The following ZNF678 variants were observed in gnomAD, a reference collection of about 807,000 sequenced individuals.
The protein encoded by ZNF678 is zinc finger protein 678.
A neutral mutation model predicts 3.0 loss-of-function variants in ZNF678; 5 were observed. The observed-to-expected ratio is 1.69, with a 90% CI of 0.88 to 3.56. The LOEUF (loss-of-function observed/expected upper bound fraction) is 3.56. ZNF678 is among the 30% of genes most tolerant of loss of function. The probability of loss-of-function intolerance (pLI) is 0.00; values close to 1 mark genes in which losing one functional copy is unlikely to be tolerated. For missense variants in ZNF678, 593 were observed against 605.0 expected (o/e 0.98, Z 0.21); for synonymous variants, 218 against 199.6 (o/e 1.09, Z -0.78).
Position 227,638,973 on chromosome 1 carries a change from G to C in ZNF678, c.-163-7571G>C. Among the ~76,000 whole-genome samples, 1 of 152,182 alleles carries C rather than the reference G, an allele frequency of 6.6e-6. No homozygotes were observed. The highest frequency in any genetic ancestry group is 1.9e-4 in the East Asian group (1 of 5,188). On this transcript the variant is annotated intron_variant, in intron 1 of 3. Transcript: ENST00000343776. The surrounding 1 kb of genome is among the most constrained non-coding windows in gnomAD (Gnocchi z 4.2). ...CACCATCAGGGTTACCACTTGGCTC[G>C]GATGAAGCGATGGTAGTTGCCAGGG...
At chr1:227,616,211 G>T (rs1658137604) in intron 1 of ZNF678, among the ~76,000 whole-genome samples, 1 of 152,146 alleles carries the variant, frequency 6.6e-6, no homozygotes, top group African/African-American at 2.4e-5. Context: ...CACCAAAGGA[G>T]AGATAGGACC....
Position 227,655,133 on chromosome 1 carries a change from T to C in ZNF678, c.883T>C (p.Cys295Arg). The C allele has an allele frequency of 2.5e-6, 4 of 1,613,024 alleles. No individual in the cohort carries two copies. The highest frequency in any genetic ancestry group is 1.7e-5 in the Admixed American group (1 of 59,750). ...TCATACTGGAGAGAAACCCTACAAATGTGAAGAATGTGGCAAAGCCTTTAC... is the reference window on the plus strand; with the variant it reads ...TCATACTGGAGAGAAACCCTACAAACGTGAAGAATGTGGCAAAGCCTTTAC... ...RIHTGEKPYK[C>R]EECGKAFTQF... Residue 295 changes from cysteine to arginine, a missense_variant, in exon 4 of 4, where the codon TGT (cysteine) becomes CGT (arginine). Physicochemically the swap from Cys to Arg is radical, Grantham distance 180. Transcript: ENST00000343776.
chr1:227,597,889 T>G (rs1351537950), intron 1 of ZNF678, among the ~76,000 whole-genome samples: 3 of 152,256 alleles, frequency 2.0e-5, no homozygotes, highest in Non-Finnish European at 4.4e-5. Flanking sequence ...TGTGTGAGGA[T>G]CAAAGGCACA....
At chr1:227,569,579 T>C (rs375394453) in intron 1 of ZNF678, among the ~76,000 whole-genome samples, 2 of 152,226 alleles carry the variant, frequency 1.3e-5, no homozygotes, top group South Asian at 4.1e-4. Flanking sequence ...TATTGTAAAT[T>C]AGTTTTTTTT....
Position 227,590,838 on chromosome 1 carries a change from C to A in ZNF678, c.-164+27114C>A, listed in dbSNP as rs369573869. ...AAATTTACTCTGTGTCGTTTGAACTCCACCATGTGGTCTTCCTACAGGAAG... is the reference window on the plus strand; with the variant it reads ...AAATTTACTCTGTGTCGTTTGAACTACACCATGTGGTCTTCCTACAGGAAG... On this transcript the variant is annotated intron_variant, in intron 1 of 3. Coordinates refer to ENST00000343776, the MANE Select transcript of ZNF678 (RefSeq NM_001367909.1). Among the ~76,000 whole-genome samples, 2 of 151,772 alleles carry A rather than the reference C, an allele frequency of 1.3e-5. 1 individual carries two copies. Among genetic ancestry groups the A allele is most frequent in the African/African-American group, 4.9e-5 (2 of 41,208 alleles).
rs1413604953 is a variant in ZNF678, at chr1:227,661,671, T to G, written c.*5843T>G. ...TCAGCTCAGAGAGCTGCAGGAACAT[T>G]GGGGACATCTCCAAGTCACAGCCAA... On this transcript the variant is annotated 3_prime_UTR_variant, in exon 4 of 4. Transcript: ENST00000343776. 1 of 152,112 alleles carries G rather than the reference T, an allele frequency of 6.6e-6. No homozygotes were observed. Among genetic ancestry groups the G allele is most frequent in the East Asian group, 1.9e-4 (1 of 5,180 alleles). 9.4% of individuals were successfully genotyped at this position (152,112 alleles called of 1,614,324 possible). A position where few individuals can be genotyped will look rare whatever the true frequency, so the allele number is the denominator to read the frequency against.
In ZNF678 at chr1:227,660,666, TTTTC is replaced by T. The variant is rs1334777946; in HGVS notation, c.*4847_*4850del. The T allele has an allele frequency of 6.6e-6, 1 of 152,178 alleles. No individual in the cohort carries two copies. Among genetic ancestry groups the T allele is most frequent in the Non-Finnish European group, 1.5e-5 (1 of 68,020 alleles). The allele number at this position is 152,178 out of a possible 1,614,324, so 9.4% of individuals were successfully genotyped here. On this transcript the variant is annotated 3_prime_UTR_variant, in exon 4 of 4. Coordinates refer to ENST00000343776, the MANE Select transcript of ZNF678 (RefSeq NM_001367909.1). ...TGATATCTGCAAACAGGGACAATTA[TTTTC>T]TTTCTTTCCAATTTGGTTGTCTTTG...
rs1376955114 is a variant in ZNF678, at chr1:227,638,932, A to C, written c.-163-7612A>C. ...TTGCCTGGTATTAATTTAAAAAAACATACTGGCCTACTTGCCACCATCAGG... is the reference window on the plus strand; with the variant it reads ...TTGCCTGGTATTAATTTAAAAAAACCTACTGGCCTACTTGCCACCATCAGG... On this transcript the variant is annotated intron_variant, in intron 1 of 3. Transcript: ENST00000343776. This position sits in a 1 kb window ranked among gnomAD's most constrained non-coding sequence, Gnocchi z 4.2. 6.6e-6 allele frequency among the ~76,000 whole-genome samples: 1 copy of C among 152,174 alleles called. No individual in the cohort carries two copies. The highest frequency in any genetic ancestry group is 6.5e-5 in the Admixed American group (1 of 15,278).
intron 1 of ZNF678, among the ~76,000 whole-genome samples, chr1:227,635,085 C>CAAA (rs71721953): frequency 0.21 from 30,118 of 145,292 alleles, 3,167 homozygotes; most frequent in Middle Eastern, 0.34. Flanking sequence ...GCCTGGTAAT[C>CAAA]AAAAAAAAAA....
chr1:227,664,388 C>T (rs1659466821), downstream of ZNF678, among the ~76,000 whole-genome samples: 1 of 152,058 alleles, frequency 6.6e-6, no homozygotes, highest in South Asian at 2.1e-4. Flanking sequence ...TGCTTGTGTC[C>T]AGAAATAGCC....
intron 1 of ZNF678, among the ~76,000 whole-genome samples, chr1:227,602,892 A>G (rs1657770579): frequency 6.6e-6 from 1 of 152,212 alleles, no homozygotes; most frequent in Non-Finnish European, 1.5e-5. Context: ...GCTTCTTTAG[A>G]GGCTGAGGTA....
At chr1:227,606,063 G>A (rs1172322795) in intron 1 of ZNF678, among the ~76,000 whole-genome samples, 2 of 152,164 alleles carry the variant, frequency 1.3e-5, no homozygotes, top group African/African-American at 4.8e-5. Flanking sequence ...TCATCTCACC[G>A]GTGGGACAAG....
rs1169266681 is a variant in ZNF678 at position 227,575,783 on chromosome 1, G to T, written c.-164+12059G>T. On this transcript the variant is annotated intron_variant, in intron 1 of 3. Transcript: ENST00000343776. Reference sequence around the variant, plus strand: ...TGGCCAGGACTTCCATTACTATGTTGAATAGGAGTGGTGAGAGAAGGCATC... The same window carrying T: ...TGGCCAGGACTTCCATTACTATGTTTAATAGGAGTGGTGAGAGAAGGCATC... Among the ~76,000 whole-genome samples, 43 of 152,082 alleles carry T rather than the reference G, an allele frequency of 2.8e-4. 1 individual carries two copies. Among genetic ancestry groups the T allele is most frequent in the Admixed American group, 2.8e-3 (43 of 15,264 alleles).
At chr1:227,576,016 C>T (rs1656979631) in intron 1 of ZNF678, among the ~76,000 whole-genome samples, 1 of 152,062 alleles carries the variant, frequency 6.6e-6, no homozygotes, top group Non-Finnish European at 1.5e-5. Context: ...TTATTTTTGT[C>T]TATAGTTCTG....
chr1:227,605,536 A>C lies in ZNF678; in HGVS notation c.-163-41008A>C, dbSNP rs116586207. ...ATGTTATGGAGGAAACATTTTTTTCACTAAGTAATATTTACCGTACATTTT... is the reference window on the plus strand; with the variant it reads ...ATGTTATGGAGGAAACATTTTTTTCCCTAAGTAATATTTACCGTACATTTT... On this transcript the variant is annotated intron_variant, in intron 1 of 3. Transcript: ENST00000343776. Among the ~76,000 whole-genome samples the C allele has an allele frequency of 4.7e-3, 722 of 152,278 alleles. 2 individuals carry two copies. The highest frequency in any genetic ancestry group is 0.016 in the African/African-American group (669 of 41,560).
chr1:227,616,564 A>T (rs1298627288), intron 1 of ZNF678, among the ~76,000 whole-genome samples: 1 of 152,220 alleles, frequency 6.6e-6, no homozygotes, highest in Non-Finnish European at 1.5e-5. Flanking sequence ...AGCATGTTGA[A>T]AAAATTTTTC....
At chr1:227,640,906 C>T (rs1469638399) in intron 1 of ZNF678, among the ~76,000 whole-genome samples, 1 of 152,112 alleles carries the variant, frequency 6.6e-6, no homozygotes, top group African/African-American at 2.4e-5. Context: ...TGCCTTTTTC[C>T]TCCCCAAACG....
At chr1:227,676,371 C>T (rs1372217867) in intron 5 of ZNF678, among the ~76,000 whole-genome samples, 1 of 152,126 alleles carries the variant, frequency 6.6e-6, no homozygotes, top group Non-Finnish European at 1.5e-5. Context: ...ATCCCAGAAA[C>T]ATACAGGGAA....
At chr1:227,572,469 A>G (rs975727513) in intron 1 of ZNF678, among the ~76,000 whole-genome samples, 1 of 152,212 alleles carries the variant, frequency 6.6e-6, no homozygotes, top group Non-Finnish European at 1.5e-5. Flanking sequence ...TCCTTGATAC[A>G]CTGCCTGCCA....
Sources: gnomAD v4.1 joint callset for allele counts (sites outside exome capture counted in the v4.1 genomes callset) on GRCh38, gnomAD v4.1.1 for gene constraint, Gnocchi (gnomAD v3.1) non-coding constraint, MANE v1.5 for transcripts, NCBI Gene and HGNC (gene_info 2026-07-23, HGNC 2026-07-21) for gene names.